The following NT5DC4 variants were observed in gnomAD, a reference collection of about 807,000 sequenced individuals.
NT5DC4 encodes 5'-nucleotidase domain containing 4.
In NT5DC4, 44 loss-of-function variants were observed where a neutral mutation model predicts 26.6. The ratio of observed to expected loss-of-function variants is 1.65; its 90% CI spans 1.30 to 2.13. The LOEUF is 2.13. NT5DC4 is among the 30% of genes most tolerant of loss of function. NT5DC4 has a pLI of 0.00. For missense variants in NT5DC4, 399 were observed against 228.1 expected, an observed-to-expected ratio of 1.75 and a Z score of -4.83; for synonymous variants, 157 against 86.7, an observed-to-expected ratio of 1.81 and a Z score of -4.51.
At chr2:112,734,169 A>ATATGTGTGTGTG (rs150412692) in intron 16 of NT5DC4, among the ~76,000 whole-genome samples, 6,552 of 134,786 alleles carry the variant, frequency 0.049, 272 homozygotes, top group African/African-American at 0.11. Flanking sequence ...TATTATATAT[A>ATATGTGTGTGTG]TGTGTGTGTG....
intron 15 of NT5DC4, 43 bp from the exon 16 acceptor site, chr2:112,729,584 C>T (rs1358796642): frequency 1.4e-6 from 1 of 717,310 alleles, no homozygotes; most frequent in Non-Finnish European, 2.6e-6. Context: ...AAGGCCGTAC[C>T]CGGGACGGAG....
chr2:112,721,644 A>G (rs892414733), intron 1 of NT5DC4, 174 bp from the exon 2 acceptor site: 218 of 716,856 alleles, frequency 3.0e-4, no homozygotes, highest in Middle Eastern at 2.4e-3. Context: ...TTGCCTTCAG[A>G]CACACATGGG....
intron 16 of NT5DC4, chr2:112,738,208 T>C (rs10209160): frequency 0.95 from 144,679 of 152,290 alleles, 68,742 homozygotes; most frequent in East Asian, 1. Context: ...TAGACGACCA[T>C]GCCAATTCAG....
In NT5DC4 at chr2:112,723,733, C is replaced by A. The variant is rs1209981683; in HGVS notation, c.687C>A (p.Ile229=). 1 of 717,286 alleles carries A rather than the reference C, an allele frequency of 1.4e-6. No individual in the cohort carries two copies. The highest frequency in any genetic ancestry group is 2.6e-6 in the Non-Finnish European group (1 of 385,050). 44.4% of individuals were successfully genotyped at this position (717,286 alleles called of 1,614,324 possible). The part of the protein sequence containing the change: ...KYVKKDPRLP[I]LLGKMKEVGK... ...CTCTGCCCCAGCCACGCCTCCCCAT[C>A]CTGCTGGGGAAGATGAAGGAGGTTG... The change falls in exon 9 of 17, where the codon ATC becomes ATA. Residue 229 remains isoleucine (I), a synonymous_variant. Transcript: ENST00000688554.
chr2:112,741,940 GT>G (rs57634251), downstream of NT5DC4, among the ~76,000 whole-genome samples: 38,417 of 71,838 alleles, frequency 0.53, 9,411 homozygotes, highest in East Asian at 0.66. Flanking sequence ...TTTCTTTTCT[GT>G]TTTTTTTTTT....
downstream of NT5DC4, among the ~76,000 whole-genome samples, chr2:112,742,070 G>A (rs541800020): frequency 1.3e-5 from 2 of 151,124 alleles, no homozygotes; most frequent in East Asian, 2.0e-4. Context: ...GATTACAGGC[G>A]TGAGCTACCG....
chr2:112,732,620 G>T (rs1213957317), intron 16 of NT5DC4, among the ~76,000 whole-genome samples: 1 of 152,238 alleles, frequency 6.6e-6, no homozygotes, highest in Non-Finnish European at 1.5e-5. Flanking sequence ...ATATAGTGTG[G>T]TAGCTAACAC....
intron 16 of NT5DC4, among the ~76,000 whole-genome samples, chr2:112,734,723 T>C (rs1678887106): frequency 6.6e-6 from 1 of 152,196 alleles, no homozygotes; most frequent in Non-Finnish European, 1.5e-5. Flanking sequence ...AGAGTCTTGC[T>C]CCGTCGCCTA....
At chr2:112,729,081 CA>C (rs1208970806) in intron 15 of NT5DC4, among the ~76,000 whole-genome samples, 1 of 152,168 alleles carries the variant, frequency 6.6e-6, no homozygotes, top group African/African-American at 2.4e-5. Context: ...CCAAAAGTGA[CA>C]AGGCGAAACA....
At chr2:112,742,347 G>A, downstream of NT5DC4, 2 of 715,458 alleles carry the variant, frequency 2.8e-6, no homozygotes, top group East Asian at 2.7e-5. Context: ...AAATTTAGAT[G>A]AGTATGTTGG....
chr2:112,720,699 G>A (rs1180022183), upstream of NT5DC4, among the ~76,000 whole-genome samples: 1 of 152,186 alleles, frequency 6.6e-6, no homozygotes, highest in Non-Finnish European at 1.5e-5. Flanking sequence ...AGAGTACTGA[G>A]TTATTTCTTT....
downstream of NT5DC4, chr2:112,741,117 T>C: frequency 2.7e-6 from 2 of 743,304 alleles, no homozygotes; most frequent in Non-Finnish European, 4.5e-6. Context: ...GTGATCTTCA[T>C]GGGCTCCACA....
rs115661508 is a variant in NT5DC4 at position 112,733,996 on chromosome 2, G to T, written c.1344+4292G>T. 9.5e-3 allele frequency among the ~76,000 whole-genome samples: 1,441 copies of T among 152,174 alleles called. 18 individuals are homozygous for T. The highest frequency in any genetic ancestry group is 0.033 in the African/African-American group (1,362 of 41,500). ...CTTTAAATAGAGATAGGAGTTAAAA[G>T]TTCTGAACCTGGAGCCAGACAGCCC... is the stretch of plus-strand genomic sequence containing the variant. On this transcript the variant is annotated intron_variant, in intron 16 of 16. Transcript: ENST00000688554.
upstream of NT5DC4, among the ~76,000 whole-genome samples, chr2:112,720,418 T>C (rs1245538332): frequency 1.3e-5 from 2 of 152,086 alleles, no homozygotes. Context: ...TTCTGGATGA[T>C]CCAGGTCACC....
At position 112,721,803 on chromosome 2, in the gene NT5DC4, C is replaced by T; in HGVS notation, c.75-15C>T. 1 of 717,250 alleles carries T rather than the reference C, an allele frequency of 1.4e-6. No homozygotes were observed. The highest frequency in any genetic ancestry group is 2.7e-5 in the East Asian group (1 of 37,294). The allele number at this position is 717,250 out of a possible 1,614,324, so 44.4% of individuals were successfully genotyped here. A position where few individuals can be genotyped will look rare whatever the true frequency, so the allele number is the denominator to read the frequency against. ...GCTGGTGGACTGATGCCAACATCCT[C>T]CTCTCTCTCCCCAGGATTTTTGTCA... On this transcript the variant is annotated splice_polypyrimidine_tract_variant and intron_variant, in intron 1 of 16. Coordinates refer to ENST00000688554, the MANE Select transcript of NT5DC4 (RefSeq NM_001393655.1).
chr2:112,724,896 C>T lies in NT5DC4; in HGVS notation c.905C>T (p.Ala302Val). 1.4e-6 allele frequency: 1 copy of T among 716,978 alleles called. No individual in the cohort carries two copies. Among genetic ancestry groups the T allele is most frequent in the Non-Finnish European group, 2.6e-6 (1 of 384,994 alleles). 44.4% of individuals were successfully genotyped at this position (716,978 alleles called of 1,614,324 possible). A position where few individuals can be genotyped will look rare whatever the true frequency, so the allele number is the denominator to read the frequency against. ...LVLRQVNTVM[A>V]GAEDSGKLHV... is the part of the protein sequence containing the mutation. The stretch of plus-strand genomic sequence containing the variant: ...CTGAGGCAGGTCAACACGGTAATGG[C>T]AGGTGCAGAGGTCAGTCCACCTGCA... The change falls in exon 11 of 17, where the codon GCA (alanine) becomes GTA (valine). Residue 302 changes from alanine (A) to valine (V), a missense_variant. By Grantham distance (64) the Ala-to-Val change is moderately conservative. Transcript: ENST00000688554.
In NT5DC4 at chr2:112,722,036, C is replaced by T. The variant is rs972283327; in HGVS notation, c.199C>T (p.Arg67Cys). 4 of 717,112 alleles carry T rather than the reference C, an allele frequency of 5.6e-6. No homozygotes were observed. The highest frequency in any genetic ancestry group is 2.7e-5 in the East Asian group (1 of 37,302). 44.4% of individuals were successfully genotyped at this position (717,112 alleles called of 1,614,324 possible). Residue 67 changes from arginine to cysteine, a missense_variant, in exon 3 of 17, where the codon CGC becomes TGC. Transcript: ENST00000688554. ...CCTGACCTTCGAGCTGCTGCTGGAG[C>T]GCCTGGTGTGCATTGGGTACCCGCA... Reference protein sequence around the residue: ...EALTFELLLERLVCIGYPHEI... With the variant: ...EALTFELLLECLVCIGYPHEI...
At chr2:112,741,715 A>ATAC (rs1231340847), downstream of NT5DC4, among the ~76,000 whole-genome samples, 3 of 152,256 alleles carry the variant, frequency 2.0e-5, no homozygotes, top group East Asian at 5.8e-4. Flanking sequence ...TTCTTACCAC[A>ATAC]TGTAGTGGGT....
upstream of NT5DC4, among the ~76,000 whole-genome samples, chr2:112,719,938 C>CTTTCTTTCTTTT (rs1342422006): frequency 2.4e-5 from 2 of 83,600 alleles, no homozygotes; most frequent in African/African-American, 1.0e-4. Context: ...TTCTTTCTTT[C>CTTTCTTTCTTTT]TTTCTTTCTT....
Sources: allele counts gnomAD v4.1 joint callset (sites outside exome capture counted in the v4.1 genomes callset), GRCh38; gene constraint gnomAD v4.1.1; transcripts MANE v1.5; gene names NCBI Gene and HGNC (gene_info 2026-07-23, HGNC 2026-07-21).